COL11A1: variants seen among roughly 807,000 people sequenced by gnomAD.
The protein encoded by COL11A1 is collagen type XI alpha 1 chain, also known as collagen alpha-1(XI) chain.
In COL11A1, 74 loss-of-function variants were observed where a neutral mutation model predicts 265.2. The ratio of observed to expected loss-of-function variants is 0.28; its 90% CI spans 0.23 to 0.34. The LOEUF is 0.34. COL11A1 is among the 10% of genes least tolerant of loss of function. COL11A1 has a pLI of 1.00. For synonymous variants in COL11A1, 816 were observed against 727.6 expected, an observed-to-expected ratio of 1.12 and a Z score of -1.96; for missense variants, 2,165 against 2,263.6, an observed-to-expected ratio of 0.96 and a Z score of 0.88.
At chr1:102,897,917 G>C (rs1225029700) in intron 57 of COL11A1, among the ~76,000 whole-genome samples, 2 of 152,066 alleles carry the variant, frequency 1.3e-5, no homozygotes, top group Non-Finnish European at 2.9e-5. Flanking sequence ...AAGTGCATAA[G>C]AAAGAAACAA....
chr1:102,967,273 C>G (rs1161152287), intron 37 of COL11A1, among the ~76,000 whole-genome samples: 2 of 95,762 alleles, frequency 2.1e-5, no homozygotes, highest in Admixed American at 1.7e-4. Context: ...CGGAGTCTCG[C>G]TCTGTCGCCC....
At chr1:103,068,048 G>A (rs114565663) in intron 4 of COL11A1, among the ~76,000 whole-genome samples, 6,984 of 151,546 alleles carry the variant, frequency 0.046, 214 homozygotes, top group Non-Finnish European at 0.072. Flanking sequence ...ATATAAGAAA[G>A]TTTTCAGAAA....
chr1:103,101,107 G>T (rs1242157775), intron 1 of COL11A1, among the ~76,000 whole-genome samples: 1 of 151,890 alleles, frequency 6.6e-6, no homozygotes, highest in Non-Finnish European at 1.5e-5. Flanking sequence ...ATTCCAGGGT[G>T]AGTGTTCAAA....
chr1:103,050,564 G>A (rs1669728317), intron 4 of COL11A1, among the ~76,000 whole-genome samples: 2 of 152,068 alleles, frequency 1.3e-5, no homozygotes, highest in African/African-American at 4.8e-5. Flanking sequence ...CTGTGGCTCG[G>A]AGTAGTTTGA....
intron 4 of COL11A1, among the ~76,000 whole-genome samples, chr1:103,054,776 C>A (rs756931414): frequency 3.9e-5 from 6 of 152,028 alleles, no homozygotes; most frequent in Non-Finnish European, 7.4e-5. Flanking sequence ...TGGTGCATGC[C>A]TGTAATCCCA....
chr1:102,902,755 C>G (rs1177888974), intron 54 of COL11A1, among the ~76,000 whole-genome samples: 1 of 151,242 alleles, frequency 6.6e-6, no homozygotes, highest in African/African-American at 2.4e-5. Flanking sequence ...TTTCAAAGGA[C>G]TTTGTAAAAG....
Position 102,923,400 on chromosome 1 carries a change from A to G in COL11A1, c.3601-11T>C, listed in dbSNP as rs746304790. 1 of 1,579,390 alleles carries G rather than the reference A, an allele frequency of 6.3e-7. No homozygotes were observed. The highest frequency in any genetic ancestry group is 8.6e-7 in the Non-Finnish European group (1 of 1,160,126). On this transcript the variant is annotated splice_polypyrimidine_tract_variant and intron_variant, in intron 46 of 66. Coordinates refer to ENST00000370096, the MANE Select transcript of COL11A1 (RefSeq NM_001854.4). ...TGGGCCTGGCAGACCCTAAGAAAAT[A>G]TAATAGAAAAATAATAAAAGTCACT...
chr1:103,096,962 T>C (rs1472874278), intron 1 of COL11A1, among the ~76,000 whole-genome samples: 1 of 152,052 alleles, frequency 6.6e-6, no homozygotes, highest in Non-Finnish European at 1.5e-5. Flanking sequence ...AGTTTACTTA[T>C]ATATTTTGCA....
intron 1 of COL11A1, among the ~76,000 whole-genome samples, chr1:103,090,527 A>T (rs952817992): frequency 3.9e-5 from 6 of 152,182 alleles, no homozygotes; most frequent in African/African-American, 9.7e-5. Context: ...AACAATTGAT[A>T]ACTAGTTTCC....
Position 102,982,292 on chromosome 1 carries a change from G to GA in COL11A1, c.2556+1845dup, listed in dbSNP as rs551394952. Among the ~76,000 whole-genome samples, 727 of 151,894 alleles carry GA rather than the reference G, an allele frequency of 4.8e-3. 1 individual carries two copies. Among genetic ancestry groups the GA allele is most frequent in the Non-Finnish European group, 7.5e-3 (506 of 67,866 alleles). ...AAGATTATTGATCAGAGAACTTAGG[G>GA]AAAAAACGGGATTTTAAATAAATTC... On this transcript the variant is annotated intron_variant, in intron 31 of 66. Coordinates refer to ENST00000370096, the MANE Select transcript of COL11A1 (RefSeq NM_001854.4).
At chr1:103,009,685 AAAGTAT>A (rs1665942180) in intron 14 of COL11A1, among the ~76,000 whole-genome samples, 1 of 152,192 alleles carries the variant, frequency 6.6e-6, no homozygotes. Context: ...TACATCGTAT[AAAGTAT>A]GACAGAGATT....
intron 41 of COL11A1, among the ~76,000 whole-genome samples, chr1:102,957,171 A>G (rs1461090329): frequency 6.6e-6 from 1 of 152,032 alleles, no homozygotes; most frequent in Admixed American, 6.6e-5. Context: ...ATAACGACCT[A>G]TGTTTCAGAC....
chr1:102,895,725 G>T (rs1056424074), intron 57 of COL11A1, among the ~76,000 whole-genome samples: 2 of 150,322 alleles, frequency 1.3e-5, no homozygotes, highest in Non-Finnish European at 3.0e-5. Context: ...TTTAATAATC[G>T]TATCATATTT....
At chr1:103,004,560 T>C (rs1029621693) in intron 19 of COL11A1, 48 bp downstream of exon 19, 1 of 1,588,352 alleles carries the variant, frequency 6.3e-7, no homozygotes, top group Non-Finnish European at 8.6e-7. Context: ...TTTTGTTTTA[T>C]TATGTTTTAA....
chr1:102,991,506 C>T (rs185551690), intron 28 of COL11A1, among the ~76,000 whole-genome samples: 43 of 152,220 alleles, frequency 2.8e-4, no homozygotes, highest in African/African-American at 8.7e-4. Context: ...ATTAACCTCT[C>T]CATCTTGTGG....
intron 37 of COL11A1, among the ~76,000 whole-genome samples, chr1:102,969,043 C>T (rs369299370): frequency 1.7e-3 from 266 of 152,242 alleles, no homozygotes; most frequent in African/African-American, 6.2e-3. Context: ...TGAGTGTTGA[C>T]TCTCCTTTAG....
In COL11A1 at chr1:102,965,531, C is replaced by A; in HGVS notation, c.2872G>T (p.Gly958Cys). 1 of 1,613,518 alleles carries A rather than the reference C, an allele frequency of 6.2e-7. No homozygotes were observed. Among genetic ancestry groups the A allele is most frequent in the South Asian group, 1.1e-5 (1 of 91,042 alleles). ...PGQRGETGFQGKTGPPGPGGV... is the reference protein window; with the variant it reads ...PGQRGETGFQCKTGPPGPGGV... Reference sequence around the variant, plus strand: ...CCTGGCCCAGGAGGGCCGGTCTTGCCTTGAAATCCCTAAGGAGGCAAAGTA... The same window carrying A: ...CCTGGCCCAGGAGGGCCGGTCTTGCATTGAAATCCCTAAGGAGGCAAAGTA... The change falls in exon 38 of 67, where the codon GGC becomes TGC. Residue 958 changes from glycine to cysteine, a missense_variant. Gly to Cys is a radical substitution (Grantham distance 159). Transcript: ENST00000370096.
chr1:102,887,038 T>C lies in COL11A1; in HGVS notation c.4627A>G (p.Ile1543Val), dbSNP rs558548172. 6.2e-7 allele frequency: 1 copy of C among 1,613,912 alleles called. No individual in the cohort carries two copies. Among genetic ancestry groups the C allele is most frequent in the East Asian group, 2.2e-5 (1 of 44,870 alleles). The change falls in exon 63 of 67, where the codon ATT (isoleucine) becomes GTT (valine). Residue 1543 changes from isoleucine to valine, a missense_variant. Transcript: ENST00000370096. ...GAGGACAAGATTGGTAAAGGCTGAA[T>C]GACTTCACCAGGTGGACCCTGTAAA... Reference protein sequence around the residue: ...PGSPGPPGEVIQPLPILSSKK... With the variant: ...PGSPGPPGEVVQPLPILSSKK...
chr1:103,007,243 A>G (rs547572169), intron 15 of COL11A1, among the ~76,000 whole-genome samples: 1 of 152,324 alleles, frequency 6.6e-6, no homozygotes, highest in East Asian at 1.9e-4. Context: ...GACTGGCACC[A>G]TACTATGTCA....
Sources: allele counts gnomAD v4.1 joint callset (sites outside exome capture counted in the v4.1 genomes callset), GRCh38; gene constraint gnomAD v4.1.1; transcripts MANE v1.5; gene names NCBI Gene and HGNC (gene_info 2026-07-23, HGNC 2026-07-21).